Variants in PPP1R2 observed in about 807,000 individuals in gnomAD.
PPP1R2 encodes protein phosphatase 1 regulatory inhibitor subunit 2.
Under a neutral mutation model 29.9 loss-of-function variants are expected in PPP1R2, and 16 were observed. The observed-to-expected ratio is 0.53, with a 90% CI of 0.36 to 0.81. The LOEUF is 0.81. PPP1R2 is among the 30% of genes least tolerant of loss of function. PPP1R2 has a pLI of 0.00. For missense variants in PPP1R2, 197 were observed against 252.7 expected, an observed-to-expected ratio of 0.78 and a Z score of 1.49; for synonymous variants, 76 against 91.5, an observed-to-expected ratio of 0.83 and a Z score of 0.96.
intron 1 of PPP1R2, among the ~76,000 whole-genome samples, chr3:195,536,649 TTGG>T (rs900725009): frequency 1.3e-5 from 2 of 151,738 alleles, no homozygotes; most frequent in Non-Finnish European, 2.9e-5. Flanking sequence ...TTAGCCATGC[TTGG>T]TGGCGCATGC....
intron 1 of PPP1R2, among the ~76,000 whole-genome samples, chr3:195,542,524 T>C (rs1719633674): frequency 1.3e-5 from 2 of 151,800 alleles, no homozygotes; most frequent in Non-Finnish European, 2.9e-5. Context: ...TCTTAAAGGG[T>C]TCCCAAAGCA....
At position 195,518,605 on chromosome 3, in the gene PPP1R2, C is replaced by T. The variant is rs185057976; in HGVS notation, c.571+413G>A. ...GGCGGAGCTTGCAGTGAGCCGAGAT[C>T]ACGCCACTGCACTCCAGCCTGGGTG... On this transcript the variant is annotated intron_variant, in intron 5 of 5. Coordinates refer to ENST00000618156, the MANE Select transcript of PPP1R2 (RefSeq NM_006241.8). Among the ~76,000 whole-genome samples the T allele has an allele frequency of 8.8e-3, 1,330 of 151,118 alleles. 16 individuals carry two copies. Among genetic ancestry groups the T allele is most frequent in the African/African-American group, 0.031 (1,263 of 41,128 alleles).
At chr3:195,535,835 G>A (rs1414535062) in intron 1 of PPP1R2, among the ~76,000 whole-genome samples, 2 of 152,260 alleles carry the variant, frequency 1.3e-5, no homozygotes, top group African/African-American at 4.8e-5. Flanking sequence ...AGCATCTTAA[G>A]AGAAACGAAA....
At chr3:195,532,575 C>G (rs187155802) in intron 1 of PPP1R2, among the ~76,000 whole-genome samples, 134 of 152,234 alleles carry the variant, frequency 8.8e-4, no homozygotes, top group African/African-American at 3.1e-3. Flanking sequence ...GAGACAGACA[C>G]TGAAGGTTCA....
intron 4 of PPP1R2, among the ~76,000 whole-genome samples, chr3:195,520,139 A>G (rs998667800): frequency 3.3e-5 from 5 of 152,122 alleles, no homozygotes; most frequent in Non-Finnish European, 7.4e-5. Flanking sequence ...TCTCCCGAGT[A>G]GTTGGGATCA....
intron 5 of PPP1R2, among the ~76,000 whole-genome samples, chr3:195,518,608 G>A (rs947586032): frequency 2.3e-4 from 34 of 150,852 alleles, no homozygotes; most frequent in East Asian, 7.8e-4. Flanking sequence ...CCGAGATCAC[G>A]CCACTGCACT....
At chr3:195,537,080 C>T (rs1719416070) in intron 1 of PPP1R2, among the ~76,000 whole-genome samples, 1 of 151,764 alleles carries the variant, frequency 6.6e-6, no homozygotes, top group Admixed American at 6.6e-5. Flanking sequence ...TTGTATAATA[C>T]ATATAAATAT....
rs1034927799 is a variant in PPP1R2 at position 195,514,506 on chromosome 3, G to A, written c.*2390C>T. 1 of 152,176 alleles carries A rather than the reference G, an allele frequency of 6.6e-6. No individual in the cohort carries two copies. Among genetic ancestry groups the A allele is most frequent in the African/African-American group, 2.4e-5 (1 of 41,448 alleles). The allele number at this position is 152,176 out of a possible 1,614,324, so 9.4% of individuals were successfully genotyped here. On this transcript the variant is annotated 3_prime_UTR_variant, in exon 6 of 6. Transcript: ENST00000618156. ...AAAATGTAAACAAAACCAAAGTCAT[G>A]GGGAAAATGGCATCTTGCTTTAATC...
At chr3:195,536,115 T>C (rs1434726942) in intron 1 of PPP1R2, among the ~76,000 whole-genome samples, 1 of 152,070 alleles carries the variant, frequency 6.6e-6, no homozygotes, top group Non-Finnish European at 1.5e-5. Context: ...GTTAATCAAT[T>C]GTTTATATTA....
At chr3:195,536,219 G>A (rs1310743154) in intron 1 of PPP1R2, among the ~76,000 whole-genome samples, 1 of 151,370 alleles carries the variant, frequency 6.6e-6, no homozygotes, top group Non-Finnish European at 1.5e-5. Context: ...AACACTTTGG[G>A]AGGCCAAAGT....
intron 4 of PPP1R2, among the ~76,000 whole-genome samples, chr3:195,520,241 C>T (rs1251814096): frequency 6.6e-6 from 1 of 152,164 alleles, no homozygotes; most frequent in Admixed American, 6.5e-5. Flanking sequence ...AACTCCTGAC[C>T]TCAGGTGATC....
rs754109977 is a variant in PPP1R2 at position 195,527,053 on chromosome 3, G to A, written c.231-2157C>T. Among the ~76,000 whole-genome samples, 40 of 152,190 alleles carry A rather than the reference G, an allele frequency of 2.6e-4. 1 individual carries two copies. The highest frequency in any genetic ancestry group is 3.5e-4 in the Non-Finnish European group (24 of 67,994). On this transcript the variant is annotated intron_variant, in intron 2 of 5. Coordinates refer to ENST00000618156, the MANE Select transcript of PPP1R2 (RefSeq NM_006241.8). The stretch of plus-strand genomic sequence containing the variant: ...CCGCCTCAGGCTCCCAAAGTGCTGG[G>A]ATTACAGGCGTGAGCTGCTGTGCTT...
rs535220658 is a variant in PPP1R2, at chr3:195,539,292, T to G, written c.122+3612A>C. ...AGATGACAGTGGTGTTTAAAACAGC[T>G]GAATGCTGTGGTGCAATGTACTGAG... is the stretch of plus-strand genomic sequence containing the variant. On this transcript the variant is annotated intron_variant, in intron 1 of 5. Coordinates refer to ENST00000618156, the MANE Select transcript of PPP1R2 (RefSeq NM_006241.8). Among the ~76,000 whole-genome samples the G allele has an allele frequency of 2.0e-5, 3 of 152,370 alleles. No individual in the cohort carries two copies. In the South Asian group the frequency reaches 6.2e-4, roughly 32 times the overall value.
chr3:195,539,175 T>C (rs904681184), intron 1 of PPP1R2, among the ~76,000 whole-genome samples: 1 of 152,226 alleles, frequency 6.6e-6, no homozygotes, highest in Non-Finnish European at 1.5e-5. Flanking sequence ...AAGATACACA[T>C]ATGTACTCAC....
chr3:195,538,368 C>G (rs1227582637), intron 1 of PPP1R2, among the ~76,000 whole-genome samples: 2 of 152,194 alleles, frequency 1.3e-5, no homozygotes, highest in Non-Finnish European at 2.9e-5. Flanking sequence ...TTTAATTGCA[C>G]ATTTCAAGAA....
At chr3:195,530,009 A>C (rs1449557996) in intron 1 of PPP1R2, 108 bp from the exon 2 acceptor site, 11 of 743,026 alleles carry the variant, frequency 1.5e-5, no homozygotes, top group Non-Finnish European at 2.2e-5. Context: ...TTTGATGGCC[A>C]ACCTCTATTT....
Position 195,524,815 on chromosome 3 carries a change from T to C in PPP1R2, c.308+4A>G. ...GAAAATGTGCTCCGGTCATTAGTAC[T>C]TACTTCCTGGCTAAGATGTCTGGCG... is the stretch of plus-strand genomic sequence containing the variant. On this transcript the variant is annotated splice_donor_region_variant and intron_variant, in intron 3 of 5. Coordinates refer to ENST00000618156, the MANE Select transcript of PPP1R2 (RefSeq NM_006241.8). 3 of 1,613,998 alleles carry C rather than the reference T, an allele frequency of 1.9e-6. No homozygotes were observed. The highest frequency in any genetic ancestry group is 2.5e-6 in the Non-Finnish European group (3 of 1,179,868).
intron 5 of PPP1R2, 106 bp downstream of exon 5, chr3:195,518,912 C>A: frequency 6.6e-7 from 1 of 1,517,490 alleles, no homozygotes. Context: ...TAAAGCGAAT[C>A]TCAGCAAAAT....
chr3:195,526,049 T>C (rs772928803), intron 2 of PPP1R2, among the ~76,000 whole-genome samples: 3 of 152,140 alleles, frequency 2.0e-5, no homozygotes, highest in Non-Finnish European at 4.4e-5. Context: ...AACTGTGAGA[T>C]TCTTAGATAA....
Sources: allele counts gnomAD v4.1 joint callset (sites outside exome capture counted in the v4.1 genomes callset), GRCh38; gene constraint gnomAD v4.1.1; transcripts MANE v1.5; gene names NCBI Gene and HGNC (gene_info 2026-07-23, HGNC 2026-07-21).